Variants in CSMD1 observed in about 807,000 individuals in gnomAD.
CSMD1 encodes CUB and sushi domain-containing protein 1.
CSMD1 carries 213 observed loss-of-function variants against 417.5 expected under a neutral mutation model. That is an observed-to-expected ratio of 0.51 (90% CI 0.46 to 0.57). The LOEUF (loss-of-function observed/expected upper bound fraction) is 0.57, where lower values mean the gene tolerates loss of function less well. Among genes scored for constraint, CSMD1 ranks in the 20% least tolerant of loss-of-function variants. CSMD1 has a pLI of 0.00. For synonymous variants in CSMD1, 2,862 were observed against 1,736.8 expected (o/e 1.65, Z -16.11); for missense variants, 6,923 against 4,529.7 (o/e 1.53, Z -15.17).
chr8:3,748,404 G>C (rs1797161111), intron 6 of CSMD1, among the ~76,000 whole-genome samples: 1 of 152,164 alleles, frequency 6.6e-6, no homozygotes. Flanking sequence ...CACTGCCATG[G>C]AAACAGGCAG....
intron 1 of CSMD1, among the ~76,000 whole-genome samples, chr8:4,737,117 A>G (rs1440189442): frequency 2.0e-5 from 3 of 152,128 alleles, no homozygotes; most frequent in African/African-American, 7.3e-5. Context: ...GAATAAAGAA[A>G]ATGTGGTACA....
intron 4 of CSMD1, among the ~76,000 whole-genome samples, chr8:4,024,463 A>G (rs780485962): frequency 4.7e-4 from 72 of 152,226 alleles, no homozygotes; most frequent in Non-Finnish European, 9.3e-4. Context: ...CTTCAATGTT[A>G]GTAAAGTTGG....
chr8:4,715,160 TTTAG>T (rs1205429448), intron 1 of CSMD1, among the ~76,000 whole-genome samples: 1 of 152,214 alleles, frequency 6.6e-6, no homozygotes, highest in Non-Finnish European at 1.5e-5. Context: ...CTAACTATGC[TTTAG>T]TTATTCTATT....
chr8:4,364,393 T>C (rs1431113996), intron 3 of CSMD1, among the ~76,000 whole-genome samples: 1 of 152,234 alleles, frequency 6.6e-6, no homozygotes, highest in African/African-American at 2.4e-5. Context: ...TTTACTGTTA[T>C]AGCTTCCATT....
chr8:4,006,824 T>TA (rs71205404), intron 4 of CSMD1, among the ~76,000 whole-genome samples: 1 of 9,242 alleles, frequency 1.1e-4, no homozygotes, highest in African/African-American at 9.1e-4. Flanking sequence ...ACTTTTCCTA[T>TA]TTTTTTTTTT....
chr8:4,311,200 G>A (rs1057266108), intron 3 of CSMD1, among the ~76,000 whole-genome samples: 2 of 152,228 alleles, frequency 1.3e-5, no homozygotes, highest in African/African-American at 4.8e-5. Flanking sequence ...ACATGCACGT[G>A]AATGTTCATT....
At chr8:4,084,812 C>T (rs571610073) in intron 3 of CSMD1, among the ~76,000 whole-genome samples, 2 of 149,040 alleles carry the variant, frequency 1.3e-5, no homozygotes, top group East Asian at 4.1e-4. Context: ...GCAAAAATTC[C>T]AGTGCCTCAA....
intron 2 of CSMD1, among the ~76,000 whole-genome samples, chr8:4,626,111 A>T (rs947087323): frequency 1.3e-5 from 2 of 152,170 alleles, no homozygotes; most frequent in East Asian, 3.9e-4. Context: ...AGATTCATGT[A>T]TAGACCATGA....
At chr8:3,832,684 G>C (rs1347194389) in intron 5 of CSMD1, among the ~76,000 whole-genome samples, 1 of 152,144 alleles carries the variant, frequency 6.6e-6, no homozygotes, top group Non-Finnish European at 1.5e-5. Context: ...GGACACTATA[G>C]ATTCATGACT....
intron 55 of CSMD1, among the ~76,000 whole-genome samples, chr8:2,975,703 T>C (rs1227301637): frequency 6.6e-6 from 1 of 152,222 alleles, no homozygotes; most frequent in African/African-American, 2.4e-5. Flanking sequence ...ATTTAAATTT[T>C]AACCTTCAGT....
chr8:4,943,300 C>A (rs956327301), intron 1 of CSMD1, among the ~76,000 whole-genome samples: 2 of 151,994 alleles, frequency 1.3e-5, no homozygotes, highest in African/African-American at 4.8e-5. Context: ...TCAAGATCGT[C>A]CTGGCTGACA....
intron 3 of CSMD1, among the ~76,000 whole-genome samples, chr8:4,287,906 C>T (rs1047053485): frequency 6.6e-6 from 1 of 152,038 alleles, no homozygotes; most frequent in Admixed American, 6.6e-5. Context: ...GCTCTTAAGC[C>T]ATCACATATC....
chr8:3,302,721 C>T (rs568138010), intron 25 of CSMD1, among the ~76,000 whole-genome samples: 5 of 152,240 alleles, frequency 3.3e-5, no homozygotes, highest in Admixed American at 2.0e-4. Context: ...TGATGTGCCT[C>T]GTTATCCATA....
At chr8:3,934,454 A>G (rs1298296828) in intron 5 of CSMD1, among the ~76,000 whole-genome samples, 1 of 152,226 alleles carries the variant, frequency 6.6e-6, no homozygotes, top group African/African-American at 2.4e-5. Flanking sequence ...ATAATTTTCA[A>G]AGTAAATGAA....
At chr8:4,037,815 T>A (rs1206270516) in intron 3 of CSMD1, among the ~76,000 whole-genome samples, 1 of 152,064 alleles carries the variant, frequency 6.6e-6, no homozygotes, top group Non-Finnish European at 1.5e-5. Context: ...TGAATCTTTT[T>A]ATGTTTGTAT....
chr8:3,767,086 A>G (rs528103122), intron 5 of CSMD1, among the ~76,000 whole-genome samples: 1 of 152,306 alleles, frequency 6.6e-6, no homozygotes, highest in East Asian at 1.9e-4. Flanking sequence ...CTGCAGACCC[A>G]CTTAAACCTC....
intron 5 of CSMD1, among the ~76,000 whole-genome samples, chr8:3,758,284 G>C (rs963727706): frequency 2.6e-5 from 4 of 152,224 alleles, no homozygotes; most frequent in African/African-American, 7.2e-5. Flanking sequence ...TCCTTTTATA[G>C]AGAAGCAAGG....
chr8:3,771,339 G>C (rs1049706822), intron 5 of CSMD1, among the ~76,000 whole-genome samples: 4 of 152,162 alleles, frequency 2.6e-5, no homozygotes, highest in African/African-American at 7.2e-5. Context: ...AGACAAAGAA[G>C]AACGCTTAGA....
At chr8:4,195,683 A>T (rs1799294895) in intron 3 of CSMD1, among the ~76,000 whole-genome samples, 1 of 152,178 alleles carries the variant, frequency 6.6e-6, no homozygotes, top group Admixed American at 6.5e-5. Flanking sequence ...GGCTGTGTTG[A>T]AGAATTCCAC....
Sources: gnomAD v4.1 joint callset for allele counts (sites outside exome capture counted in the v4.1 genomes callset) on GRCh38, gnomAD v4.1.1 for gene constraint, MANE v1.5 for transcripts, NCBI Gene and HGNC (gene_info 2026-07-23, HGNC 2026-07-21) for gene names.